Variants in PTPRD observed in about 807,000 individuals in gnomAD.
The protein encoded by PTPRD is receptor-type tyrosine-protein phosphatase delta.
Under a neutral mutation model 214.5 loss-of-function variants are expected in PTPRD, and 34 were observed. The observed-to-expected ratio is 0.16, with a 90% confidence interval of 0.12 to 0.21. The LOEUF is 0.21. Ranked by LOEUF, PTPRD falls within the 10% of genes least tolerant of loss-of-function variation. PTPRD has a pLI of 1.00. For synonymous variants in PTPRD, 1,128 were observed against 845.7 expected (o/e 1.33, Z -5.79); for missense variants, 2,545 against 2,398.7 (o/e 1.06, Z -1.27).
intron 8 of PTPRD, among the ~76,000 whole-genome samples, chr9:9,399,704 A>AT (rs1375554594): frequency 6.6e-6 from 1 of 151,930 alleles, no homozygotes; most frequent in Non-Finnish European, 1.5e-5. Context: ...AGATCTGATG[A>AT]TTTTATAAAG....
chr9:9,651,845 T>G (rs1423478339), intron 7 of PTPRD, among the ~76,000 whole-genome samples: 6 of 138,504 alleles, frequency 4.3e-5, no homozygotes, highest in African/African-American at 1.1e-4. Flanking sequence ...TTTTTTTTTT[T>G]TTTTTTTTTA....
At chr9:9,997,351 T>A (rs1307441776) in intron 4 of PTPRD, among the ~76,000 whole-genome samples, 1 of 149,996 alleles carries the variant, frequency 6.7e-6, no homozygotes, top group African/African-American at 2.5e-5. Context: ...AATGATGCAA[T>A]CTTAGCTCAC....
intron 7 of PTPRD, among the ~76,000 whole-genome samples, chr9:9,629,789 A>T (rs1322959769): frequency 1.3e-5 from 2 of 152,302 alleles, no homozygotes; most frequent in Middle Eastern, 3.4e-3. Flanking sequence ...ACAGGTGATT[A>T]AAAAGAATTA....
chr9:10,564,280 G>T lies in PTPRD; in HGVS notation c.-600+48118C>A, dbSNP rs1045519166. ...TCCTCCCACCTCAGCCTCCCAAATT[G>T]CTGGGATTACAGGCACGAGCTGCTG... On this transcript the variant is annotated intron_variant, in intron 2 of 45. Transcript: ENST00000381196. 7.3e-5 allele frequency among the ~76,000 whole-genome samples: 10 copies of T among 137,910 alleles called. 1 individual carries two copies. The highest frequency in any genetic ancestry group is 3.2e-4 in the Admixed American group (4 of 12,538). 90.5% of individuals were successfully genotyped at this position (137,910 alleles called of 152,430 possible). A position where few individuals can be genotyped will look rare whatever the true frequency, so the allele number is the denominator to read the frequency against.
chr9:10,086,126 T>C lies in PTPRD; in HGVS notation c.-544-52336A>G, dbSNP rs145354039. Reference sequence around the variant, plus strand: ...AGAATTGATAAAGGTTTTAGCATATTGGGGGCACGTAATGAGGGCTAAAAA... The same window carrying C: ...AGAATTGATAAAGGTTTTAGCATATCGGGGGCACGTAATGAGGGCTAAAAA... On this transcript the variant is annotated intron_variant, in intron 3 of 45. Coordinates refer to ENST00000381196, the MANE Select transcript of PTPRD (RefSeq NM_002839.4). Among the ~76,000 whole-genome samples, 223 of 151,854 alleles carry C rather than the reference T, an allele frequency of 1.5e-3. 1 individual carries two copies. The highest frequency in any genetic ancestry group is 0.01 in the Middle Eastern group (3 of 294).
At chr9:10,399,423 A>T (rs1274512567) in intron 2 of PTPRD, among the ~76,000 whole-genome samples, 1 of 152,022 alleles carries the variant, frequency 6.6e-6, no homozygotes, top group Non-Finnish European at 1.5e-5. Context: ...ATTCAAAAAA[A>T]TCCAAAACAT....
intron 11 of PTPRD, among the ~76,000 whole-genome samples, chr9:8,917,373 GGTGATC>G (rs2098794697): frequency 6.6e-6 from 1 of 150,736 alleles, no homozygotes; most frequent in Admixed American, 6.6e-5. Flanking sequence ...CCTGACCTCT[GGTGATC>G]CACCACCTCG....
intron 11 of PTPRD, among the ~76,000 whole-genome samples, chr9:8,927,983 T>C (rs1310886512): frequency 6.6e-6 from 1 of 152,226 alleles, no homozygotes; most frequent in East Asian, 1.9e-4. Context: ...TTTTCATATT[T>C]GTTGGCCACA....
intron 14 of PTPRD, among the ~76,000 whole-genome samples, chr9:8,621,436 T>C (rs1564776897): frequency 6.6e-6 from 1 of 151,960 alleles, no homozygotes; most frequent in East Asian, 1.9e-4. Flanking sequence ...ATCTTAAAAA[T>C]GTTGATAGGG....
intron 7 of PTPRD, among the ~76,000 whole-genome samples, chr9:9,730,176 C>T (rs1270751624): frequency 3.3e-5 from 5 of 151,964 alleles, no homozygotes; most frequent in Non-Finnish European, 5.9e-5. Flanking sequence ...TTGGAAAATA[C>T]AATACTACAT....
chr9:9,450,950 T>TACATAC (rs1555421721), intron 8 of PTPRD, among the ~76,000 whole-genome samples: 3 of 136,592 alleles, frequency 2.2e-5, no homozygotes, highest in Non-Finnish European at 3.1e-5. Context: ...CATACATACA[T>TACATAC]ACACACACAC....
chr9:10,301,195 C>G (rs1478338450), intron 3 of PTPRD, among the ~76,000 whole-genome samples: 1 of 152,134 alleles, frequency 6.6e-6, no homozygotes, highest in African/African-American at 2.4e-5. Flanking sequence ...AGGAGGAAAA[C>G]TAACAAACAG....
intron 9 of PTPRD, among the ~76,000 whole-genome samples, chr9:9,256,057 T>A (rs185158365): frequency 4.6e-5 from 7 of 151,968 alleles, no homozygotes; most frequent in Admixed American, 6.6e-5. Context: ...TAGCAAGACA[T>A]CTCAAACTTC....
intron 8 of PTPRD, among the ~76,000 whole-genome samples, chr9:9,489,546 G>T (rs1379675877): frequency 6.6e-6 from 1 of 152,088 alleles, no homozygotes; most frequent in Non-Finnish European, 1.5e-5. Flanking sequence ...GCAAAGTGGT[G>T]ATATTGATTT....
At chr9:8,460,988 A>G (rs1358686939) in intron 32 of PTPRD, among the ~76,000 whole-genome samples, 1 of 152,074 alleles carries the variant, frequency 6.6e-6, no homozygotes, top group East Asian at 1.9e-4. Context: ...CTAGCCCTCA[A>G]GCCATTATCA....
intron 5 of PTPRD, among the ~76,000 whole-genome samples, chr9:9,899,264 G>A (rs918782974): frequency 2.6e-5 from 4 of 151,962 alleles, no homozygotes; most frequent in African/African-American, 9.7e-5. Flanking sequence ...TGTGAAGAGA[G>A]ACTATGAAAT....
chr9:9,220,153 T>C (rs575472431), intron 9 of PTPRD, among the ~76,000 whole-genome samples: 11 of 152,170 alleles, frequency 7.2e-5, no homozygotes, highest in African/African-American at 2.2e-4. Flanking sequence ...AAATAAATCA[T>C]TGAAGGACTA....
At chr9:9,769,002 T>C (rs2098729292) in intron 5 of PTPRD, among the ~76,000 whole-genome samples, 1 of 152,186 alleles carries the variant, frequency 6.6e-6, no homozygotes, top group African/African-American at 2.4e-5. Flanking sequence ...AGGATGGGAA[T>C]AAGTTATAGA....
intron 14 of PTPRD, among the ~76,000 whole-genome samples, chr9:8,566,180 G>A (rs531975381): frequency 1.4e-5 from 2 of 145,462 alleles, no homozygotes; most frequent in Admixed American, 1.4e-4. Context: ...ATTCTCTTTG[G>A]CAGGGGTAGT....
Sources: allele counts gnomAD v4.1 joint callset (sites outside exome capture counted in the v4.1 genomes callset), GRCh38; gene constraint gnomAD v4.1.1; transcripts MANE v1.5; gene names NCBI Gene and HGNC (gene_info 2026-07-23, HGNC 2026-07-21).